The following SULT6B1 variants were observed in gnomAD, a reference collection of about 807,000 sequenced individuals.
SULT6B1 encodes sulfotransferase family 6B member 1, also known as sulfotransferase 6B1.
Under a neutral mutation model 37.2 loss-of-function variants are expected in SULT6B1, and 44 were observed. The observed-to-expected ratio is 1.18, with a 90% CI of 0.93 to 1.52. The LOEUF (loss-of-function observed/expected upper bound fraction) is 1.52. SULT6B1 is among the 40% of genes most tolerant of loss of function. The pLI, the probability that SULT6B1 is intolerant of heterozygous loss-of-function variation, is 0.00. For synonymous variants in SULT6B1, 140 were observed against 126.0 expected (o/e 1.11, Z -0.74); for missense variants, 450 against 361.0 (o/e 1.25, Z -2.00).
chr2:37,184,453 G>C (rs983948219), intron 2 of SULT6B1, among the ~76,000 whole-genome samples: 6 of 152,176 alleles, frequency 3.9e-5, no homozygotes, highest in Non-Finnish European at 7.3e-5. Flanking sequence ...AGGATTAAGG[G>C]TTTTCACTTA....
At chr2:37,176,954 G>A (rs1157679308) in intron 4 of SULT6B1, among the ~76,000 whole-genome samples, 2 of 152,106 alleles carry the variant, frequency 1.3e-5, no homozygotes, top group Admixed American at 6.6e-5. Context: ...TGATTGGAAG[G>A]ATAGTAGCCA....
intron 2 of SULT6B1, among the ~76,000 whole-genome samples, chr2:37,186,643 G>A (rs1489062382): frequency 2.0e-5 from 3 of 152,034 alleles, no homozygotes; most frequent in Admixed American, 6.6e-5. Context: ...CATAATCTCA[G>A]CACTTTGGGA....
intron 2 of SULT6B1, 96 bp from the exon 3 acceptor site, chr2:37,183,610 T>A: frequency 2.3e-6 from 2 of 878,242 alleles, no homozygotes; most frequent in Non-Finnish European, 3.7e-6. Flanking sequence ...AGTGATAGTT[T>A]CTAGCACTAC....
intron 3 of SULT6B1, among the ~76,000 whole-genome samples, chr2:37,182,212 C>T (rs1457454302): frequency 4.0e-5 from 6 of 151,870 alleles, no homozygotes; most frequent in African/African-American, 1.5e-4. Context: ...TCTTACCTCA[C>T]TATTCTCCCA....
In SULT6B1 at chr2:37,179,444, A is replaced by G; in HGVS notation, c.529+14T>C. On this transcript the variant is annotated intron_variant, in intron 4 of 6. Transcript: ENST00000535679. The stretch of plus-strand genomic sequence containing the variant: ...CTGATCAAGTAAGAATAATTCTTTT[A>G]CCAACAGCCATACCTTGTCCTTTCA... 6.2e-7 allele frequency: 1 copy of G among 1,612,580 alleles called. No homozygotes were observed. The highest frequency in any genetic ancestry group is 1.3e-5 in the African/African-American group (1 of 75,016).
chr2:37,189,677 G>A (rs1035128918), upstream of SULT6B1, among the ~76,000 whole-genome samples: 3 of 152,264 alleles, frequency 2.0e-5, no homozygotes, highest in Non-Finnish European at 4.4e-5. Flanking sequence ...GTCATACTAC[G>A]TCATTGTGTC....
rs948045241 is a variant in SULT6B1, at chr2:37,175,132, C to T, written c.624G>A (p.Glu208=). ...TCTAAAATATCAATAATAATCTCAC[C>T]TCTTTCAGGTCTTCATATAATATGA... ...VKFILYEDLK[E]NLAAGIKQIA... Residue 208 remains glutamate, a splice_region_variant and synonymous_variant, in exon 5 of 7, where the codon GAG becomes GAA. Transcript: ENST00000535679. The T allele has an allele frequency of 2.0e-6, 3 of 1,529,130 alleles. No individual in the cohort carries two copies. The highest frequency in any genetic ancestry group is 2.6e-6 in the Non-Finnish European group (3 of 1,132,860). 94.7% of individuals were successfully genotyped at this position (1,529,130 alleles called of 1,614,324 possible).
At chr2:37,195,462 A>C (rs921477784) in intron 1 of SULT6B1, among the ~76,000 whole-genome samples, 27 of 152,320 alleles carry the variant, frequency 1.8e-4, no homozygotes, top group Non-Finnish European at 2.6e-4. Flanking sequence ...AAATTGGGGC[A>C]ATCACAGAGC....
At chr2:37,174,638 T>C (rs1031708914) in intron 5 of SULT6B1, among the ~76,000 whole-genome samples, 1 of 152,220 alleles carries the variant, frequency 6.6e-6, no homozygotes, top group Non-Finnish European at 1.5e-5. Flanking sequence ...GTGTTTATTA[T>C]GTATCATTCT....
upstream of SULT6B1, among the ~76,000 whole-genome samples, chr2:37,193,597 AAAGAAGAAGAAGAAGAAGAAGAAG>A (rs70949740): frequency 6.2e-5 from 7 of 113,796 alleles, no homozygotes; most frequent in East Asian, 2.5e-4. Flanking sequence ...AGAAGAAGAA[AAAGAAGAAGAAGAAGAAGAAGAAG>A]AAGAAGAAGA....
At chr2:37,184,264 C>A (rs897072312) in intron 2 of SULT6B1, among the ~76,000 whole-genome samples, 33 of 152,158 alleles carry the variant, frequency 2.2e-4, no homozygotes, top group Admixed American at 2.0e-3. Flanking sequence ...GTTTAACCAG[C>A]TAAAACTCTA....
At chr2:37,183,933 T>C (rs4670675) in intron 2 of SULT6B1, among the ~76,000 whole-genome samples, 45,506 of 152,084 alleles carry the variant, frequency 0.3, 7,858 homozygotes, top group East Asian at 0.79. Context: ...CGTGAGCCAC[T>C]GCACCCGGCC....
At chr2:37,188,179 C>T (rs75031639) in intron 1 of SULT6B1, among the ~76,000 whole-genome samples, 3,489 of 152,280 alleles carry the variant, frequency 0.023, 62 homozygotes, top group Middle Eastern at 0.054. Context: ...CTTCCAGGCC[C>T]GTCATCCACC....
rs556847003 is a variant in SULT6B1, at chr2:37,168,248, G to A, written c.782-183C>T. Among the ~76,000 whole-genome samples, 9 of 152,146 alleles carry A rather than the reference G, an allele frequency of 5.9e-5. No homozygotes were observed. In the South Asian group the frequency reaches 1.7e-3, roughly 28 times the overall value. On this transcript the variant is annotated intron_variant, in intron 6 of 6. Coordinates refer to ENST00000535679, the MANE Select transcript of SULT6B1 (RefSeq NM_001367551.1). ...TCTGTTGCCCAGGCTGGAGTGCCGT[G>A]GTGCGATCTTCAAGCAATTCTCCCT...
At chr2:37,170,737 CAAAA>C (rs10617061) in intron 6 of SULT6B1, among the ~76,000 whole-genome samples, 105 of 94,012 alleles carry the variant, frequency 1.1e-3, no homozygotes, top group Non-Finnish European at 1.3e-3. Context: ...GATTCTGTCT[CAAAA>C]AAAAAAAAAA....
chr2:37,177,173 C>T (rs749583690), intron 4 of SULT6B1, among the ~76,000 whole-genome samples: 29 of 151,772 alleles, frequency 1.9e-4, no homozygotes, highest in African/African-American at 3.9e-4. Flanking sequence ...TGCAACAACA[C>T]GGAGGGAGGA....
chr2:37,174,227 C>CTTTTTTTTTTTTTTTT (rs35100458), intron 5 of SULT6B1, among the ~76,000 whole-genome samples: 2 of 58,478 alleles, frequency 3.4e-5, no homozygotes, highest in Non-Finnish European at 6.3e-5. Flanking sequence ...TCTTCCTATT[C>CTTTTTTTTTTTTTTTT]TTTTTTTTTT....
intron 5 of SULT6B1, among the ~76,000 whole-genome samples, chr2:37,171,886 T>C (rs1676311202): frequency 6.6e-6 from 1 of 152,194 alleles, no homozygotes; most frequent in African/African-American, 2.4e-5. Context: ...TAATTTTATC[T>C]AGGATGATAT....
intron 2 of SULT6B1, among the ~76,000 whole-genome samples, chr2:37,184,488 T>C (rs528636845): frequency 4.3e-4 from 66 of 152,370 alleles, no homozygotes; most frequent in Non-Finnish European, 8.7e-4. Context: ...GTATATGTTA[T>C]GCAGGGAAGT....
Sources: allele counts gnomAD v4.1 joint callset (sites outside exome capture counted in the v4.1 genomes callset), GRCh38; gene constraint gnomAD v4.1.1; transcripts MANE v1.5; gene names NCBI Gene and HGNC (gene_info 2026-07-23, HGNC 2026-07-21).